The following GFRA2 variants were observed in gnomAD, a reference collection of about 807,000 sequenced individuals.
The protein encoded by GFRA2 is GDNF family receptor alpha-2.
Under a neutral mutation model 48.3 loss-of-function variants are expected in GFRA2, and 17 were observed. The observed-to-expected ratio is 0.35, with a 90% CI of 0.24 to 0.53. The LOEUF (loss-of-function observed/expected upper bound fraction) is 0.53, where lower values mean the gene tolerates loss of function less well. Ranked by LOEUF, GFRA2 falls within the 20% of genes least tolerant of loss-of-function variation. GFRA2 has a pLI of 0.93. For missense variants in GFRA2, 660 were observed against 637.3 expected (o/e 1.04, Z -0.38); for synonymous variants, 305 against 257.2 (o/e 1.19, Z -1.78).
intron 2 of GFRA2, chr8:21,797,452 GA>G (rs1807698233): frequency 6.6e-6 from 1 of 151,938 alleles, no homozygotes. Flanking sequence ...GTTGAGCGTG[GA>G]GGTGCACACC....
chr8:21,711,286 G>A (rs893908415), intron 4 of GFRA2, among the ~76,000 whole-genome samples: 1 of 152,098 alleles, frequency 6.6e-6, no homozygotes, highest in East Asian at 1.9e-4. Context: ...TAAGAGAGAT[G>A]GTATAAAAGA....
intron 4 of GFRA2, among the ~76,000 whole-genome samples, chr8:21,738,563 G>A (rs763668372): frequency 2.6e-5 from 4 of 152,178 alleles, no homozygotes; most frequent in Non-Finnish European, 2.9e-5. Flanking sequence ...GCTCCCCACC[G>A]TCTTCTGGGG....
At chr8:21,738,101 A>C (rs1293856494) in intron 4 of GFRA2, among the ~76,000 whole-genome samples, 2 of 150,856 alleles carry the variant, frequency 1.3e-5, no homozygotes, top group Non-Finnish European at 3.0e-5. Flanking sequence ...TCTGAAACCC[A>C]AACATTGTCC....
At chr8:21,736,266 C>T (rs1804459286) in intron 4 of GFRA2, among the ~76,000 whole-genome samples, 1 of 152,122 alleles carries the variant, frequency 6.6e-6, no homozygotes, top group Non-Finnish European at 1.5e-5. Flanking sequence ...AAAAAACAGA[C>T]TCTCATAAAA....
chr8:21,714,191 T>C (rs1291105545), intron 4 of GFRA2, among the ~76,000 whole-genome samples: 1 of 142,378 alleles, frequency 7.0e-6, no homozygotes, highest in Non-Finnish European at 1.5e-5. Context: ...TGTAGAATAA[T>C]ATTGGGGATC....
chr8:21,717,473 C>T lies in GFRA2; in HGVS notation c.795-11432G>A, dbSNP rs548249467. ...ACCAACAAGATTCAGAAGTATATTT[C>T]AAAAGATGCTAATAGAAGACACTGT... On this transcript the variant is annotated intron_variant, in intron 4 of 8. Transcript: ENST00000524240. 5.3e-5 allele frequency among the ~76,000 whole-genome samples: 8 copies of T among 152,288 alleles called. 1 individual carries two copies. The South Asian group carries it at 1.7e-3, about 32-fold the overall frequency.
At position 21,805,889 on chromosome 8, in the gene GFRA2, A is replaced by G. The variant is rs555034353; in HGVS notation, c.-147-761T>C. Among the ~76,000 whole-genome samples, 45 of 152,364 alleles carry G rather than the reference A, an allele frequency of 3.0e-4. No individual in the cohort carries two copies. The South Asian group carries it at 5.0e-3, about 17-fold the overall frequency. ...TCTGCCTGGAGAAACAACAGCAAAT[A>G]ACCACAGAAGGGCCGGCCAAGCCCC... On this transcript the variant is annotated intron_variant, in intron 1 of 10. Coordinates refer to the GFRA2 transcript ENST00000517328.
intron 2 of GFRA2, chr8:21,779,697 T>G (rs1025978992): frequency 6.6e-6 from 1 of 152,222 alleles, no homozygotes; most frequent in East Asian, 1.9e-4. Context: ...GGAATCCAGG[T>G]TGCTAGGGAG....
intron 1 of GFRA2, among the ~76,000 whole-genome samples, chr8:21,808,965 A>G (rs1000219695): frequency 6.6e-6 from 1 of 152,258 alleles, no homozygotes; most frequent in African/African-American, 2.4e-5. Flanking sequence ...GGGTATTTTT[A>G]GAAGCTGCCT....
At chr8:21,711,451 G>A (rs1481257064) in intron 4 of GFRA2, among the ~76,000 whole-genome samples, 1 of 152,154 alleles carries the variant, frequency 6.6e-6, no homozygotes, top group Non-Finnish European at 1.5e-5. Flanking sequence ...GATCTGTCTG[G>A]AAAACACAAA....
At chr8:21,731,735 G>T (rs1279830431) in intron 4 of GFRA2, among the ~76,000 whole-genome samples, 1 of 152,186 alleles carries the variant, frequency 6.6e-6, no homozygotes, top group East Asian at 1.9e-4. Flanking sequence ...AAAGGGTGAT[G>T]GAAGAAAGCT....
chr8:21,807,934 G>A (rs1255061619), intron 1 of GFRA2, among the ~76,000 whole-genome samples: 1 of 152,190 alleles, frequency 6.6e-6, no homozygotes, highest in Admixed American at 6.5e-5. Flanking sequence ...CTATGCAGAT[G>A]CAGATTGGAT....
chr8:21,766,533 A>G (rs1169426897), intron 3 of GFRA2, among the ~76,000 whole-genome samples: 1 of 151,748 alleles, frequency 6.6e-6, no homozygotes, highest in Admixed American at 6.6e-5. Context: ...GGAAGCCTCC[A>G]GTCGCAGGAC....
intron 3 of GFRA2, chr8:21,769,255 C>CCCGCACCAGCA: frequency 1.5e-6 from 1 of 653,510 alleles, no homozygotes; most frequent in Non-Finnish European, 1.9e-6. Flanking sequence ...CCGCCCCAGC[C>CCCGCACCAGCA]CCGCCCCTGC....
intron 2 of GFRA2, among the ~76,000 whole-genome samples, chr8:21,804,820 C>T (rs1035648213): frequency 3.3e-5 from 5 of 152,182 alleles, no homozygotes; most frequent in African/African-American, 7.2e-5. Flanking sequence ...TCTTTCACCC[C>T]GGCCTCATTG....
chr8:21,695,662 C>G (rs1585218536), intron 7 of GFRA2, among the ~76,000 whole-genome samples: 1 of 152,122 alleles, frequency 6.6e-6, no homozygotes, highest in Non-Finnish European at 1.5e-5. Context: ...GGCACGTGCT[C>G]GACAACTCTT....
At chr8:21,752,634 C>T (rs1805353898) in intron 3 of GFRA2, among the ~76,000 whole-genome samples, 1 of 152,078 alleles carries the variant, frequency 6.6e-6, no homozygotes, top group African/African-American at 2.4e-5. Flanking sequence ...CTGCCCTGAG[C>T]CCCAGACTTA....
In GFRA2 at chr8:21,692,615, G is replaced by C. The variant is rs1264325735; in HGVS notation, c.*663C>G. 2 of 152,000 alleles carry C rather than the reference G, an allele frequency of 1.3e-5. No individual in the cohort carries two copies. The highest frequency in any genetic ancestry group is 2.9e-5 in the Non-Finnish European group (2 of 68,056). The allele number at this position is 152,000 out of a possible 1,614,324, so 9.4% of individuals were successfully genotyped here. A position where few individuals can be genotyped will look rare whatever the true frequency, so the allele number is the denominator to read the frequency against. ...GCAGGCTGAGCTCTCAAGCCCTCCTGGAGCTGGCCCCCAGCCCCAACACTC... is the reference window on the plus strand; with the variant it reads ...GCAGGCTGAGCTCTCAAGCCCTCCTCGAGCTGGCCCCCAGCCCCAACACTC... On this transcript the variant is annotated 3_prime_UTR_variant, in exon 9 of 9. Transcript: ENST00000524240.
chr8:21,706,182 G>A (rs1289385814), intron 4 of GFRA2, 141 bp from the exon 5 acceptor site: 7 of 642,012 alleles, frequency 1.1e-5, no homozygotes, highest in Admixed American at 4.8e-5. Context: ...GAGGAAAGTC[G>A]GGGGAACCAA....
Sources: gnomAD v4.1 joint callset for allele counts (sites outside exome capture counted in the v4.1 genomes callset) on GRCh38, gnomAD v4.1.1 for gene constraint, MANE v1.5 for transcripts, NCBI Gene and HGNC (gene_info 2026-07-23, HGNC 2026-07-21) for gene names.